TRPC6: variants seen among roughly 807,000 people sequenced by gnomAD.
The protein encoded by TRPC6 is transient receptor potential cation channel subfamily C member 6, also known as short transient receptor potential channel 6.
In TRPC6, 55 loss-of-function variants were observed where a neutral mutation model predicts 90.7. The ratio of observed to expected loss-of-function variants is 0.61; its 90% CI spans 0.49 to 0.76. TRPC6 has a LOEUF of 0.76. Ranked by LOEUF, TRPC6 falls within the 30% of genes least tolerant of loss-of-function variation. The pLI, the probability that TRPC6 is intolerant of heterozygous loss-of-function variation, is 0.00. For synonymous variants in TRPC6, 393 were observed against 393.0 expected (o/e 1.00, Z 0.00); for missense variants, 989 against 1,122.7 (o/e 0.88, Z 1.70).
At chr11:101,519,008 A>G (rs116632874) in intron 1 of TRPC6, among the ~76,000 whole-genome samples, 1,680 of 152,278 alleles carry the variant, frequency 0.011, 37 homozygotes, top group African/African-American at 0.038. Flanking sequence ...GAATTCATGG[A>G]CACAGAGAGT....
chr11:101,582,904 C>G (rs11224883), intron 1 of TRPC6, among the ~76,000 whole-genome samples: 89,916 of 151,686 alleles, frequency 0.59, 27,471 homozygotes, highest in East Asian at 0.88. Context: ...CCTTGGAGTT[C>G]TAGTCATCTC....
intron 1 of TRPC6, among the ~76,000 whole-genome samples, chr11:101,510,323 T>G (rs1366796816): frequency 1.3e-5 from 2 of 152,058 alleles, no homozygotes; most frequent in Non-Finnish European, 2.9e-5. Flanking sequence ...TTTATAAAAC[T>G]ATGTTGTAGA....
At chr11:101,558,263 A>G (rs928661453) in intron 1 of TRPC6, among the ~76,000 whole-genome samples, 1 of 140,550 alleles carries the variant, frequency 7.1e-6, no homozygotes, top group African/African-American at 2.7e-5. Context: ...GTATACATGT[A>G]TATGGGTATA....
chr11:101,485,700 A>T (rs572185855), intron 4 of TRPC6, among the ~76,000 whole-genome samples: 1 of 152,282 alleles, frequency 6.6e-6, no homozygotes, highest in East Asian at 1.9e-4. Context: ...GAAGAATAAG[A>T]AGCAGCTTTC....
chr11:101,481,145 A>G (rs558000162), intron 5 of TRPC6, among the ~76,000 whole-genome samples: 1 of 152,310 alleles, frequency 6.6e-6, no homozygotes, highest in East Asian at 1.9e-4. Flanking sequence ...CATCTCATCA[A>G]GCTCCAGCAT....
chr11:101,464,754 G>A (rs1591524592), intron 10 of TRPC6, among the ~76,000 whole-genome samples: 1 of 152,228 alleles, frequency 6.6e-6, no homozygotes, highest in East Asian at 1.9e-4. Flanking sequence ...CAATATGCCA[G>A]TCTGTGTCTT....
intron 1 of TRPC6, among the ~76,000 whole-genome samples, chr11:101,531,880 G>T (rs894337824): frequency 1.3e-5 from 2 of 152,128 alleles, no homozygotes; most frequent in Non-Finnish European, 2.9e-5. Context: ...TTGTAGAACC[G>T]CCCTAAGCAT....
chr11:101,491,790 C>G, intron 2 of TRPC6, 52 bp from the exon 3 acceptor site: 2 of 1,395,778 alleles, frequency 1.4e-6, no homozygotes. Flanking sequence ...CCACGTTTTA[C>G]TATGCTTCAG....
At chr11:101,548,617 T>C (rs981997766) in intron 1 of TRPC6, among the ~76,000 whole-genome samples, 3 of 151,042 alleles carry the variant, frequency 2.0e-5, no homozygotes, top group East Asian at 3.9e-4. Context: ...TTCTCTGTGA[T>C]AGCAAAGCTC....
intron 1 of TRPC6, among the ~76,000 whole-genome samples, chr11:101,567,882 A>G (rs1320570613): frequency 1.3e-5 from 2 of 152,212 alleles, no homozygotes; most frequent in African/African-American, 2.4e-5. Context: ...CTTCAAATAC[A>G]AAAGGTAGAT....
chr11:101,540,185 C>G (rs935683481), intron 1 of TRPC6, among the ~76,000 whole-genome samples: 4 of 152,166 alleles, frequency 2.6e-5, no homozygotes, highest in African/African-American at 9.7e-5. Flanking sequence ...AATGAGGCAA[C>G]ACCAATGGGG....
chr11:101,520,339 C>T (rs954764704), intron 1 of TRPC6, among the ~76,000 whole-genome samples: 4 of 152,128 alleles, frequency 2.6e-5, no homozygotes, highest in Non-Finnish European at 1.5e-5. Context: ...CCTCCTCAGC[C>T]GTGTTCCCTG....
chr11:101,567,528 T>C (rs952822731), intron 1 of TRPC6, among the ~76,000 whole-genome samples: 1 of 152,198 alleles, frequency 6.6e-6, no homozygotes, highest in Non-Finnish European at 1.5e-5. Context: ...AGGGACAGAC[T>C]ATCTCCGCAA....
At chr11:101,469,807 G>T (rs939830844) in intron 9 of TRPC6, among the ~76,000 whole-genome samples, 9 of 152,110 alleles carry the variant, frequency 5.9e-5, no homozygotes, top group Admixed American at 6.6e-5. Flanking sequence ...ATCATAGATT[G>T]TATTTTTTCC....
chr11:101,544,506 T>G (rs1301966301), intron 1 of TRPC6, among the ~76,000 whole-genome samples: 1 of 152,132 alleles, frequency 6.6e-6, no homozygotes, highest in Admixed American at 6.5e-5. Flanking sequence ...ATATACTTGA[T>G]AAAGAAATTG....
At chr11:101,548,263 A>ATATATATATATAATT (rs1477283991) in intron 1 of TRPC6, among the ~76,000 whole-genome samples, 14 of 82,774 alleles carry the variant, frequency 1.7e-4, no homozygotes, top group African/African-American at 5.6e-4. Context: ...ATATATATAC[A>ATATATATATATAATT]TATATATATA....
intron 8 of TRPC6, 66 bp from the exon 9 acceptor site, chr11:101,471,452 C>G: frequency 6.5e-7 from 1 of 1,537,966 alleles, no homozygotes; most frequent in South Asian, 1.1e-5. Context: ...ATGCTTTTAA[C>G]ATTGTGTAGC....
intron 2 of TRPC6, among the ~76,000 whole-genome samples, chr11:101,495,986 C>CTA (rs1859937055): frequency 6.6e-6 from 1 of 152,036 alleles, no homozygotes; most frequent in African/African-American, 2.4e-5. Context: ...GTTCTATGGG[C>CTA]TATACAGGCT....
intron 1 of TRPC6, among the ~76,000 whole-genome samples, chr11:101,527,692 A>G (rs1860809040): frequency 6.6e-6 from 1 of 152,222 alleles, no homozygotes; most frequent in Non-Finnish European, 1.5e-5. Flanking sequence ...ATTTTAAAAT[A>G]AAGCAACTAA....
Sources: gnomAD v4.1 joint callset for allele counts (sites outside exome capture counted in the v4.1 genomes callset) on GRCh38, gnomAD v4.1.1 for gene constraint, MANE v1.5 for transcripts, NCBI Gene and HGNC (gene_info 2026-07-23, HGNC 2026-07-21) for gene names.